AK9: variants seen among roughly 807,000 people sequenced by gnomAD.
AK9 encodes the protein adenylate kinase 9.
A neutral mutation model predicts 239.6 loss-of-function variants in AK9; 191 were observed. The observed-to-expected ratio is 0.80, with a 90% CI of 0.71 to 0.90. The LOEUF (loss-of-function observed/expected upper bound fraction) is 0.90, where lower values mean the gene tolerates loss of function less well. AK9 is among the 40% of genes least tolerant of loss of function. The probability of loss-of-function intolerance (pLI) is 0.00; values close to 1 mark genes in which losing one functional copy is unlikely to be tolerated. For missense variants in AK9, 1,995 were observed against 2,214.7 expected (o/e 0.90, Z 1.99); for synonymous variants, 689 against 721.0 (o/e 0.96, Z 0.71).
At position 109,585,781 on chromosome 6, in the gene AK9, C is replaced by T. The variant is rs559744266; in HGVS notation, c.1999+135G>A. 5.0e-6 allele frequency: 4 copies of T among 799,038 alleles called. No individual in the cohort carries two copies. The East Asian group carries it at 8.5e-5, about 17-fold the overall frequency. The allele number at this position is 799,038 out of a possible 1,614,324, so 49.5% of individuals were successfully genotyped here. A position where few individuals can be genotyped will look rare whatever the true frequency, so the allele number is the denominator to read the frequency against. On this transcript the variant is annotated intron_variant, in intron 18 of 40. Transcript: ENST00000424296. ...GTATATGGAAGCCTCATTTTGTGTA[C>T]CTCTAGTTCCTGCAGGGATTGCTGG...
chr6:109,659,243 CTCT>C lies in AK9; in HGVS notation c.612_614del (p.Glu205del). Reference sequence around the variant, plus strand: ...GAGATATTACCTCTTCTTCTTCTTGCTCTTCTTCCTCTTCTTCCTCTTCTCCTT... The same window carrying C: ...GAGATATTACCTCTTCTTCTTCTTGCTCTTCCTCTTCTTCCTCTTCTCCTT... On this transcript the variant is annotated inframe_deletion, in exon 7 of 41. Transcript: ENST00000424296. 1 of 1,574,792 alleles carries C rather than the reference CTCT, an allele frequency of 6.4e-7. No individual in the cohort carries two copies. Among genetic ancestry groups the C allele is most frequent in the Middle Eastern group, 1.7e-4 (1 of 5,952 alleles).
At chr6:109,605,158 G>A (rs1186858542) in intron 17 of AK9, among the ~76,000 whole-genome samples, 1 of 152,146 alleles carries the variant, frequency 6.6e-6, no homozygotes, top group Non-Finnish European at 1.5e-5. Context: ...GGGTGTGACA[G>A]CAGTTGGGCA....
At chr6:109,558,536 T>C (rs1285930479) in intron 24 of AK9, among the ~76,000 whole-genome samples, 1 of 152,228 alleles carries the variant, frequency 6.6e-6, no homozygotes, top group African/African-American at 2.4e-5. Flanking sequence ...CAATTGTCCA[T>C]ATATGTGTGG....
chr6:109,497,354 A>ACTCT lies in AK9; in HGVS notation c.5315+110_5315+111insAGAG, dbSNP rs1202623620. 2,295 of 604,312 alleles carry ACTCT rather than the reference A, an allele frequency of 3.8e-3. 52 individuals are homozygous for ACTCT. In the African/African-American group the frequency reaches 0.053, roughly 14 times the overall value. The allele number at this position is 604,312 out of a possible 1,614,324, so 37.4% of individuals were successfully genotyped here. On this transcript the variant is annotated intron_variant, in intron 38 of 40. Coordinates refer to ENST00000424296, the MANE Select transcript of AK9 (RefSeq NM_001145128.3). ...CACACACACACACACACACACACAC[A>ACTCT]CACACACACTCTCTCTCTCTCTCTC...
At chr6:109,609,955 A>T (rs771477811) in intron 17 of AK9, among the ~76,000 whole-genome samples, 2 of 152,090 alleles carry the variant, frequency 1.3e-5, no homozygotes, top group Non-Finnish European at 2.9e-5. Context: ...CTATGAACAC[A>T]TGTTCAAGTT....
chr6:109,498,077 C>G (rs1777252645), intron 36 of AK9, 112 bp from the exon 37 acceptor site: 1 of 1,005,532 alleles, frequency 9.9e-7, no homozygotes, highest in African/African-American at 1.6e-5. Flanking sequence ...CAGCGTTCTG[C>G]TGCTCCTCAA....
At position 109,633,279 on chromosome 6, in the gene AK9, T is replaced by C. The variant is rs1796332920; in HGVS notation, c.978A>G (p.Pro326=). 1 of 1,608,678 alleles carries C rather than the reference T, an allele frequency of 6.2e-7. No individual in the cohort carries two copies. The highest frequency in any genetic ancestry group is 8.5e-7 in the Non-Finnish European group (1 of 1,179,040). Residue 326 remains proline, a synonymous_variant, in exon 11 of 41, where the codon CCA becomes CCG. Coordinates refer to ENST00000424296, the MANE Select transcript of AK9 (RefSeq NM_001145128.3). ...ATTTACTTCTTTGCCATCTGTATCTTGGTGCAATAAGTTTATAAGATGCAA... is the reference window on the plus strand; with the variant it reads ...ATTTACTTCTTTGCCATCTGTATCTCGGTGCAATAAGTTTATAAGATGCAA... ...RTLASYKLIA[P]RYRWQRSKWG...
chr6:109,606,805 T>C (rs4946992), intron 17 of AK9, among the ~76,000 whole-genome samples: 88,609 of 152,078 alleles, frequency 0.58, 27,500 homozygotes, highest in South Asian at 0.84. Context: ...GAAGTGCGAA[T>C]GGTTTGGTAT....
chr6:109,513,852 A>G (rs974137030), intron 32 of AK9, among the ~76,000 whole-genome samples: 2 of 152,216 alleles, frequency 1.3e-5, no homozygotes, highest in African/African-American at 4.8e-5. Flanking sequence ...GCTATTGTTA[A>G]GGAATTCCTT....
chr6:109,522,490 TG>T (rs1441054487), intron 29 of AK9, among the ~76,000 whole-genome samples: 3 of 152,140 alleles, frequency 2.0e-5, no homozygotes, highest in Admixed American at 2.0e-4. Context: ...GTTTTATATT[TG>T]AGAAACTTCT....
At chr6:109,530,318 T>G (rs1216749880) in intron 28 of AK9, among the ~76,000 whole-genome samples, 1 of 152,160 alleles carries the variant, frequency 6.6e-6, no homozygotes, top group Non-Finnish European at 1.5e-5. Context: ...AACTTATGCC[T>G]TGTAGGCATG....
At chr6:109,527,377 G>C (rs749324080) in intron 29 of AK9, among the ~76,000 whole-genome samples, 3 of 152,162 alleles carry the variant, frequency 2.0e-5, no homozygotes, top group Non-Finnish European at 2.9e-5. Context: ...GTCTGAAAAA[G>C]GCAAGTCACA....
chr6:109,578,421 G>C (rs1442815036), intron 20 of AK9, among the ~76,000 whole-genome samples: 1 of 151,930 alleles, frequency 6.6e-6, no homozygotes, highest in Admixed American at 6.6e-5. Context: ...TCTTTTTTTG[G>C]TTAATCTCAC....
At chr6:109,580,040 G>T (rs1197621767) in intron 19 of AK9, among the ~76,000 whole-genome samples, 1 of 152,074 alleles carries the variant, frequency 6.6e-6, no homozygotes, top group Non-Finnish European at 1.5e-5. Context: ...ATATAAATGA[G>T]GATTAAAAGT....
At chr6:109,578,603 G>C (rs752183719) in intron 20 of AK9, among the ~76,000 whole-genome samples, 8 of 151,916 alleles carry the variant, frequency 5.3e-5, no homozygotes, top group Non-Finnish European at 1.0e-4. Context: ...GGTTGTTCTT[G>C]CTTCTCTAGT....
chr6:109,563,693 T>C lies in AK9; in HGVS notation c.2655A>G (p.Ala885=). 1.9e-6 allele frequency: 3 copies of C among 1,550,422 alleles called. No homozygotes were observed. Among genetic ancestry groups the C allele is most frequent in the Non-Finnish European group, 1.7e-6 (2 of 1,145,978 alleles). The part of the protein sequence containing the change: ...ETMEKPFQYT[A]WELTGEDYEE... ...CATAATCTTCCCCAGTTAACTCCCA[T>C]GCAGTATATTGAAATGGTTCTGGAG... Residue 885 remains alanine (A), a synonymous_variant, in exon 24 of 41, where the codon GCA becomes GCG. Transcript: ENST00000424296.
At chr6:109,595,115 C>CA (rs1345634652) in intron 17 of AK9, among the ~76,000 whole-genome samples, 2 of 152,152 alleles carry the variant, frequency 1.3e-5, no homozygotes, top group African/African-American at 2.4e-5. Context: ...ATGCATCTGA[C>CA]AAAGGGCTAA....
chr6:109,590,580 CTT>C (rs1790078879), intron 17 of AK9, among the ~76,000 whole-genome samples: 2 of 152,014 alleles, frequency 1.3e-5, no homozygotes, highest in South Asian at 4.1e-4. Context: ...GTGGTTTGCT[CTT>C]GTTTTTCTAG....
chr6:109,591,004 T>C (rs1790159518), intron 17 of AK9, among the ~76,000 whole-genome samples: 3 of 152,236 alleles, frequency 2.0e-5, no homozygotes, highest in Non-Finnish European at 4.4e-5. Flanking sequence ...AGGTGTATGG[T>C]AGAATGTTCT....
Sources: allele counts gnomAD v4.1 joint callset (sites outside exome capture counted in the v4.1 genomes callset), GRCh38; gene constraint gnomAD v4.1.1; transcripts MANE v1.5; gene names NCBI Gene and HGNC (gene_info 2026-07-23, HGNC 2026-07-21).